Variants in RARS2 observed in about 807,000 individuals in gnomAD.
RARS2 encodes arginyl-tRNA synthetase 2, mitochondrial.
A neutral mutation model predicts 88.5 loss-of-function variants in RARS2; 67 were observed. The ratio of observed to expected loss-of-function variants is 0.76; its 90% confidence interval spans 0.62 to 0.93. RARS2 has a LOEUF of 0.93. Among genes scored for constraint, RARS2 ranks in the 40% least tolerant of loss-of-function variants. RARS2 has a pLI of 0.00. For synonymous variants in RARS2, 239 were observed against 230.3 expected (o/e 1.04, Z -0.34); for missense variants, 664 against 684.2 (o/e 0.97, Z 0.33).
chr6:87,519,707 C>T lies in RARS2; in HGVS notation c.1113G>A (p.Arg371=), dbSNP rs1411724499. The T allele has an allele frequency of 1.2e-6, 2 of 1,613,960 alleles. No individual in the cohort carries two copies. The highest frequency in any genetic ancestry group is 1.3e-5 in the African/African-American group (1 of 75,014). ...CTACTCCAAAGGGCACGTGCTGGCA[C>T]CTAAAAGAGTGGGCATCTAGTTAAC... ...LKIMGYDWAE[R]CQHVPFGVVQ... Residue 371 remains arginine (R), a splice_region_variant and synonymous_variant, in exon 14 of 20, where the codon AGG becomes AGA. Coordinates refer to ENST00000369536, the MANE Select transcript of RARS2 (RefSeq NM_020320.5).
chr6:87,537,292 A>G (rs1480344394), intron 8 of RARS2, among the ~76,000 whole-genome samples: 4 of 152,268 alleles, frequency 2.6e-5, no homozygotes, highest in African/African-American at 2.4e-5. Flanking sequence ...TTCTATGTAC[A>G]TAATTAAACC....
At chr6:87,555,635 G>A (rs745818109) in intron 4 of RARS2, 130 bp from the exon 5 acceptor site, 172 of 710,300 alleles carry the variant, frequency 2.4e-4, no homozygotes, top group Admixed American at 4.8e-4. Flanking sequence ...AGCATCCTCA[G>A]TGGCACTACC....
chr6:87,531,699 G>C (rs2128067580), intron 8 of RARS2, among the ~76,000 whole-genome samples: 1 of 152,210 alleles, frequency 6.6e-6, no homozygotes, highest in South Asian at 2.1e-4. Context: ...GGTTTATTAA[G>C]GGCTCAGGCT....
chr6:87,535,446 A>C (rs1339925800), intron 8 of RARS2, among the ~76,000 whole-genome samples: 1 of 152,096 alleles, frequency 6.6e-6, no homozygotes, highest in African/African-American at 2.4e-5. Context: ...TATTTAAAAA[A>C]ATTTTTTTTT....
intron 8 of RARS2, among the ~76,000 whole-genome samples, chr6:87,531,951 T>C (rs1269638112): frequency 6.6e-6 from 1 of 152,140 alleles, no homozygotes; most frequent in African/African-American, 2.4e-5. Flanking sequence ...TAAAAATTGG[T>C]GAATAAACTA....
intron 1 of RARS2, 34 bp downstream of exon 1, chr6:87,589,888 T>C: frequency 6.2e-7 from 1 of 1,614,174 alleles, no homozygotes; most frequent in Non-Finnish European, 8.5e-7. Context: ...CCCTAGCTCC[T>C]CAGGGACTCC....
Position 87,550,202 on chromosome 6 carries a change from T to C in RARS2, c.396-1556A>G, listed in dbSNP as rs188555170. On this transcript the variant is annotated intron_variant, in intron 5 of 19. Coordinates refer to ENST00000369536, the MANE Select transcript of RARS2 (RefSeq NM_020320.5). Reference sequence around the variant, plus strand: ...CCTTCCATTTCCAGCCAAAAGAAGATTGGATTTACTCTTCTGCCTTTAAAT... The same window carrying C: ...CCTTCCATTTCCAGCCAAAAGAAGACTGGATTTACTCTTCTGCCTTTAAAT... 2.9e-3 allele frequency among the ~76,000 whole-genome samples: 447 copies of C among 152,260 alleles called. 2 individuals are homozygous for C. Among genetic ancestry groups the C allele is most frequent in the African/African-American group, 9.7e-3 (405 of 41,562 alleles).
In RARS2 at chr6:87,568,767, T is replaced by C. The variant is rs140613017; in HGVS notation, c.110+750A>G. Among the ~76,000 whole-genome samples the C allele has an allele frequency of 5.1e-4, 78 of 152,360 alleles. No individual in the cohort carries two copies. In the East Asian group the frequency reaches 0.012, roughly 23 times the overall value. On this transcript the variant is annotated intron_variant, in intron 2 of 19. Coordinates refer to ENST00000369536, the MANE Select transcript of RARS2 (RefSeq NM_020320.5). ...TGTTCTATTCTGAGAAGAATATTCA[T>C]TCTACTCTTAAAGTCCTGACAAAGT...
rs896381043 is a variant in RARS2, at chr6:87,537,523, T to C, written c.612+4395A>G. Among the ~76,000 whole-genome samples, 6 of 152,306 alleles carry C rather than the reference T, an allele frequency of 3.9e-5. No individual in the cohort carries two copies. In the South Asian group the frequency reaches 1.0e-3, roughly 26 times the overall value. ...TTTCCTGGACAAACAATACATTTTA[T>C]ATTCCACAAATTATATATAATTAGA... On this transcript the variant is annotated intron_variant, in intron 8 of 19. Transcript: ENST00000369536.
At chr6:87,586,468 TTGTC>T (rs574129419) in intron 1 of RARS2, among the ~76,000 whole-genome samples, 180 of 152,324 alleles carry the variant, frequency 1.2e-3, no homozygotes, top group Non-Finnish European at 2.0e-3. Context: ...CTACAAAACT[TTGTC>T]TGACCCTTAG....
At chr6:87,543,881 A>G (rs992813907) in intron 7 of RARS2, among the ~76,000 whole-genome samples, 3 of 152,162 alleles carry the variant, frequency 2.0e-5, no homozygotes, top group Non-Finnish European at 4.4e-5. Context: ...CAGTGTGTGG[A>G]AAGATGCTCA....
At chr6:87,518,135 A>C in intron 17 of RARS2, 34 bp downstream of exon 17, 1 of 1,614,104 alleles carries the variant, frequency 6.2e-7, no homozygotes, top group Non-Finnish European at 8.5e-7. Flanking sequence ...TGATAAGCAG[A>C]AGCACACTTG....
At chr6:87,583,612 G>C (rs934056099) in intron 1 of RARS2, among the ~76,000 whole-genome samples, 1 of 151,156 alleles carries the variant, frequency 6.6e-6, no homozygotes, top group Non-Finnish European at 1.5e-5. Context: ...AACAGAACCA[G>C]CTGAATTTAA....
chr6:87,569,491 A>G (rs777183040), intron 2 of RARS2, 26 bp downstream of exon 2: 1 of 1,534,044 alleles, frequency 6.5e-7, no homozygotes, highest in Non-Finnish European at 9.0e-7. Context: ...CATTTTATAG[A>G]TTGTTACAAG....
At chr6:87,540,376 G>T (rs1780528353) in intron 8 of RARS2, among the ~76,000 whole-genome samples, 1 of 149,738 alleles carries the variant, frequency 6.7e-6, no homozygotes, top group Admixed American at 6.7e-5. Context: ...CTTCAACCCA[G>T]GAGGCAGAGG....
intron 6 of RARS2, among the ~76,000 whole-genome samples, 162 bp from the exon 7 acceptor site, chr6:87,545,861 T>G (rs1357860381): frequency 6.6e-6 from 1 of 152,202 alleles, no homozygotes; most frequent in Non-Finnish European, 1.5e-5. Flanking sequence ...TTTTCATGTG[T>G]TATGGAAAGG....
At chr6:87,550,731 A>C (rs1784066872) in intron 5 of RARS2, among the ~76,000 whole-genome samples, 1 of 150,966 alleles carries the variant, frequency 6.6e-6, no homozygotes, top group South Asian at 2.1e-4. Context: ...AAAAGAATAG[A>C]ATACAATGGA....
At chr6:87,554,506 C>A (rs1785206956) in intron 5 of RARS2, among the ~76,000 whole-genome samples, 1 of 152,166 alleles carries the variant, frequency 6.6e-6, no homozygotes, top group Non-Finnish European at 1.5e-5. Flanking sequence ...CTTACCAGAG[C>A]TAGAGTGCAT....
chr6:87,587,574 GT>G (rs1470797085), intron 1 of RARS2, among the ~76,000 whole-genome samples: 1 of 152,132 alleles, frequency 6.6e-6, no homozygotes, highest in Non-Finnish European at 1.5e-5. Context: ...TAAAGTTAGA[GT>G]TCTGTTCATA....
Sources: gnomAD v4.1 joint callset for allele counts (sites outside exome capture counted in the v4.1 genomes callset) on GRCh38, gnomAD v4.1.1 for gene constraint, MANE v1.5 for transcripts, NCBI Gene and HGNC (gene_info 2026-07-23, HGNC 2026-07-21) for gene names.